The following ROBO2 variants were observed in gnomAD, a reference collection of about 807,000 sequenced individuals.
The protein encoded by ROBO2 is roundabout homolog 2.
ROBO2 carries 53 observed loss-of-function variants against 160.8 expected under a neutral mutation model. The ratio of observed to expected loss-of-function variants is 0.33; its 90% CI spans 0.26 to 0.41. The LOEUF is 0.41. ROBO2 is among the 10% of genes least tolerant of loss of function. The pLI, the probability that ROBO2 is intolerant of heterozygous loss-of-function variation, is 1.00. For synonymous variants in ROBO2, 664 were observed against 611.7 expected (o/e 1.09, Z -1.26); for missense variants, 1,577 against 1,722.4 (o/e 0.92, Z 1.49).
chr3:76,825,661 C>T (rs1210690052), intron 2 of ROBO2, among the ~76,000 whole-genome samples: 1 of 117,880 alleles, frequency 8.5e-6, no homozygotes, highest in Non-Finnish European at 1.7e-5. Context: ...CCTATTTTCA[C>T]AAAAGGCAGT....
chr3:77,328,161 G>A, intron 2 of ROBO2, among the ~76,000 whole-genome samples: 1 of 140,286 alleles, frequency 7.1e-6, no homozygotes, highest in Admixed American at 7.2e-5. Flanking sequence ...ACACCCCTCT[G>A]CCCCCATCAC....
chr3:76,941,418 C>T (rs1238740038), intron 2 of ROBO2, among the ~76,000 whole-genome samples: 1 of 152,108 alleles, frequency 6.6e-6, no homozygotes, highest in Non-Finnish European at 1.5e-5. Context: ...ACAAATTCTT[C>T]ACCTAGACTC....
At position 75,937,860 on chromosome 3, in the gene ROBO2, T is replaced by TATAC. The variant is rs1947866250; in HGVS notation, c.109+261_109+262insCATA. On this transcript the variant is annotated intron_variant, in intron 2 of 26. Coordinates refer to the ROBO2 transcript ENST00000487694. ...TTGATTTTATATATATATATATATA[T>TATAC]ATATATATATATATGAGGTATTATG... Among the ~76,000 whole-genome samples the TATAC allele has an allele frequency of 1.4e-5, 2 of 143,314 alleles. 1 individual carries two copies. Among genetic ancestry groups the TATAC allele is most frequent in the Admixed American group, 1.4e-4 (2 of 14,270 alleles). 94.0% of individuals were successfully genotyped at this position (143,314 alleles called of 152,430 possible).
intron 2 of ROBO2, among the ~76,000 whole-genome samples, chr3:76,949,068 G>T (rs2078796955): frequency 6.6e-6 from 1 of 150,740 alleles, no homozygotes; most frequent in African/African-American, 2.4e-5. Flanking sequence ...AAATTTTCAT[G>T]TCTAATCTTT....
At chr3:77,210,255 A>AT (rs1215821251) in intron 2 of ROBO2, among the ~76,000 whole-genome samples, 1 of 151,870 alleles carries the variant, frequency 6.6e-6, no homozygotes, top group East Asian at 1.9e-4. Context: ...ATTTGCATGC[A>AT]TTTTAGCCTA....
At chr3:76,060,298 C>T (rs1012763537) in intron 2 of ROBO2, among the ~76,000 whole-genome samples, 1 of 81,300 alleles carries the variant, frequency 1.2e-5, no homozygotes, top group African/African-American at 9.6e-5. Flanking sequence ...TTTTTGTGTA[C>T]ATCAGAATAG....
At chr3:77,259,104 G>A (rs951641465) in intron 2 of ROBO2, among the ~76,000 whole-genome samples, 22 of 151,892 alleles carry the variant, frequency 1.4e-4, no homozygotes, top group African/African-American at 5.1e-4. Context: ...TACTCTCCTC[G>A]TATTCACATC....
intron 5 of ROBO2, among the ~76,000 whole-genome samples, chr3:77,511,165 G>A (rs975666715): frequency 6.6e-6 from 1 of 151,950 alleles, no homozygotes; most frequent in East Asian, 1.9e-4. Context: ...CAAAAACAAC[G>A]AGCTGGGAAC....
chr3:77,040,547 G>C, exon 1 of ROBO2: 1 of 1,398,448 alleles, frequency 7.2e-7, no homozygotes, highest in Non-Finnish European at 9.3e-7. Context: ...GGAAGCCAGA[G>C]TGCTGGAAAT....
At chr3:77,545,146 G>T (rs1423071935) in intron 6 of ROBO2, among the ~76,000 whole-genome samples, 1 of 152,076 alleles carries the variant, frequency 6.6e-6, no homozygotes, top group East Asian at 1.9e-4. Context: ...TTCATCAGAG[G>T]GTTAAAGCTG....
At chr3:76,630,762 G>GT (rs1484712616) in intron 2 of ROBO2, among the ~76,000 whole-genome samples, 4 of 152,068 alleles carry the variant, frequency 2.6e-5, no homozygotes, top group Non-Finnish European at 5.9e-5. Context: ...AAAAATAAAT[G>GT]TTTTTTTAAA....
At chr3:76,195,176 C>G (rs910194398) in intron 2 of ROBO2, among the ~76,000 whole-genome samples, 3 of 152,100 alleles carry the variant, frequency 2.0e-5, no homozygotes, top group African/African-American at 7.2e-5. Context: ...TGAATCCTTG[C>G]AAACACCTTG....
At chr3:76,247,975 A>G (rs1486019061) in intron 2 of ROBO2, among the ~76,000 whole-genome samples, 2 of 151,844 alleles carry the variant, frequency 1.3e-5, no homozygotes, top group South Asian at 4.2e-4. Flanking sequence ...GGCAATCATT[A>G]AAAAGTCAGG....
chr3:76,102,616 T>C (rs1559553913), intron 2 of ROBO2, among the ~76,000 whole-genome samples: 1 of 152,180 alleles, frequency 6.6e-6, no homozygotes. Flanking sequence ...AAGATACAGA[T>C]TGAAAAGTGT....
chr3:77,268,117 A>G (rs1471010626), intron 2 of ROBO2, among the ~76,000 whole-genome samples: 1 of 152,216 alleles, frequency 6.6e-6, no homozygotes, highest in South Asian at 2.1e-4. Context: ...ATATTCTGCC[A>G]TGTTATAATT....
chr3:77,522,661 G>A (rs973054736), intron 5 of ROBO2, 114 bp from the exon 6 acceptor site: 6 of 996,288 alleles, frequency 6.0e-6, no homozygotes, highest in African/African-American at 3.3e-5. Flanking sequence ...TTGTGTGTGT[G>A]TGTATTTGTG....
intron 2 of ROBO2, among the ~76,000 whole-genome samples, chr3:76,512,322 GTA>G (rs3043037): frequency 7.8e-5 from 11 of 140,448 alleles, no homozygotes; most frequent in Middle Eastern, 3.6e-3. Flanking sequence ...ATATATATAT[GTA>G]TATATATATA....
chr3:76,567,096 T>C (rs1317264115), intron 2 of ROBO2, among the ~76,000 whole-genome samples: 2 of 152,130 alleles, frequency 1.3e-5, no homozygotes, highest in Non-Finnish European at 2.9e-5. Flanking sequence ...AAAATAAAGC[T>C]GTGATCAGCA....
At chr3:77,205,751 A>G (rs901461031) in intron 2 of ROBO2, among the ~76,000 whole-genome samples, 1 of 152,140 alleles carries the variant, frequency 6.6e-6, no homozygotes, top group African/African-American at 2.4e-5. Flanking sequence ...CAAAAATAAT[A>G]CTGCCGATTA....
Sources: gnomAD v4.1 joint callset for allele counts (sites outside exome capture counted in the v4.1 genomes callset) on GRCh38, gnomAD v4.1.1 for gene constraint, MANE v1.5 for transcripts, NCBI Gene and HGNC (gene_info 2026-07-23, HGNC 2026-07-21) for gene names.